Variants in TEAD1 observed in about 807,000 individuals in gnomAD.
TEAD1 encodes transcriptional enhancer factor TEF-1.
In TEAD1, 9 loss-of-function variants were observed where a neutral mutation model predicts 54.9. The ratio of observed to expected loss-of-function variants is 0.16; its 90% CI spans 0.10 to 0.29. The LOEUF (loss-of-function observed/expected upper bound fraction) is 0.29. TEAD1 is among the 10% of genes least tolerant of loss of function. The pLI, the probability that TEAD1 is intolerant of heterozygous loss-of-function variation, is 1.00. For missense variants in TEAD1, 387 were observed against 535.9 expected, an observed-to-expected ratio of 0.72 and a Z score of 2.74; for synonymous variants, 200 against 187.8, an observed-to-expected ratio of 1.07 and a Z score of -0.53.
At chr11:12,895,669 A>G (rs1459415833) in intron 9 of TEAD1, among the ~76,000 whole-genome samples, 1 of 152,192 alleles carries the variant, frequency 6.6e-6, no homozygotes, top group Non-Finnish European at 1.5e-5. Flanking sequence ...TTATTTAATA[A>G]AATAATTGTA....
chr11:12,685,059 A>G (rs76721656), intron 2 of TEAD1, among the ~76,000 whole-genome samples: 3,107 of 152,212 alleles, frequency 0.02, 58 homozygotes, highest in East Asian at 0.061. Flanking sequence ...GGGTGTGTCA[A>G]TGTCCCTGTG....
chr11:12,816,549 A>T (rs572065109), intron 3 of TEAD1, among the ~76,000 whole-genome samples: 2 of 152,284 alleles, frequency 1.3e-5, no homozygotes, highest in African/African-American at 4.8e-5. Flanking sequence ...GCATTTCCAC[A>T]TTGGAGCTGT....
At chr11:12,933,052 C>T (rs1173624592) in intron 12 of TEAD1, among the ~76,000 whole-genome samples, 2 of 152,170 alleles carry the variant, frequency 1.3e-5, no homozygotes, top group Non-Finnish European at 2.9e-5. Context: ...GTGTAGTAGG[C>T]TGTACCGTCT....
intron 9 of TEAD1, among the ~76,000 whole-genome samples, chr11:12,892,549 C>T (rs995234201): frequency 2.6e-5 from 4 of 152,140 alleles, no homozygotes; most frequent in African/African-American, 7.2e-5. Flanking sequence ...GAGGCTGAGG[C>T]AGGAGATTTG....
chr11:12,885,459 G>C (rs576673967), intron 9 of TEAD1, among the ~76,000 whole-genome samples: 1 of 152,062 alleles, frequency 6.6e-6, no homozygotes. Context: ...GGGTGGTCTC[G>C]ATCTCCTGAC....
chr11:12,679,384 G>A (rs544691177), intron 2 of TEAD1, among the ~76,000 whole-genome samples: 2 of 152,282 alleles, frequency 1.3e-5, no homozygotes, highest in African/African-American at 4.8e-5. Flanking sequence ...GGGCTTAAAA[G>A]AAAAAGCTGG....
At chr11:12,847,001 C>G (rs142431399) in intron 3 of TEAD1, among the ~76,000 whole-genome samples, 5 of 152,268 alleles carry the variant, frequency 3.3e-5, no homozygotes, top group African/African-American at 1.2e-4. Context: ...AAGCATCCAA[C>G]ACGACTGTGA....
At chr11:12,845,775 A>T in intron 3 of TEAD1, among the ~76,000 whole-genome samples, 1 of 152,144 alleles carries the variant, frequency 6.6e-6, no homozygotes, top group East Asian at 1.9e-4. Flanking sequence ...GAGCTTGTGG[A>T]GTAGGTTGGT....
intron 3 of TEAD1, among the ~76,000 whole-genome samples, chr11:12,809,671 C>A (rs1342661145): frequency 1.3e-5 from 2 of 152,172 alleles, no homozygotes; most frequent in African/African-American, 4.8e-5. Context: ...GACAGTGCTG[C>A]CCCTCAAGTC....
rs1943625175 is a variant in TEAD1 at position 12,698,122 on chromosome 11, A to G, written c.-55+22561A>G. Among the ~76,000 whole-genome samples the G allele has an allele frequency of 3.3e-5, 5 of 152,114 alleles. No homozygotes were observed. In the South Asian group the frequency reaches 8.3e-4, roughly 25 times the overall value. On this transcript the variant is annotated intron_variant, in intron 2 of 12. Transcript: ENST00000527636. Reference sequence around the variant, plus strand: ...CATCACAGATCTAATAAAAAATAACATGTTCATATGATGCTTTAGAGTTGA... The same window carrying G: ...CATCACAGATCTAATAAAAAATAACGTGTTCATATGATGCTTTAGAGTTGA...
chr11:12,783,138 G>GCGCA (rs2133951126), intron 3 of TEAD1, among the ~76,000 whole-genome samples: 2 of 149,188 alleles, frequency 1.3e-5, no homozygotes, highest in East Asian at 4.0e-4. Flanking sequence ...GTGTGTGCGC[G>GCGCA]CACTTTCTTT....
At chr11:12,794,207 C>T (rs1478355933) in intron 3 of TEAD1, among the ~76,000 whole-genome samples, 3 of 152,262 alleles carry the variant, frequency 2.0e-5, no homozygotes, top group Middle Eastern at 3.4e-3. Flanking sequence ...AGATTTTATG[C>T]GGTCCATTTG....
chr11:12,729,632 AT>A (rs1944380763), intron 2 of TEAD1, among the ~76,000 whole-genome samples: 1 of 152,218 alleles, frequency 6.6e-6, no homozygotes, highest in Non-Finnish European at 1.5e-5. Context: ...GGTATGATAA[AT>A]GGTCAGGAGA....
At chr11:12,707,466 CT>C (rs939931725) in intron 2 of TEAD1, among the ~76,000 whole-genome samples, 2 of 152,246 alleles carry the variant, frequency 1.3e-5, no homozygotes, top group Admixed American at 1.3e-4. Flanking sequence ...AACTACCTCA[CT>C]CTCAGGCCAC....
At chr11:12,871,985 G>A (rs1304115659) in intron 5 of TEAD1, among the ~76,000 whole-genome samples, 1 of 152,108 alleles carries the variant, frequency 6.6e-6, no homozygotes, top group East Asian at 1.9e-4. Context: ...TGAGCTACAT[G>A]TGCTCCCCCG....
chr11:12,919,829 A>G (rs1343922801), intron 10 of TEAD1, among the ~76,000 whole-genome samples: 1 of 152,128 alleles, frequency 6.6e-6, no homozygotes, highest in Non-Finnish European at 1.5e-5. Context: ...ACATATGTTG[A>G]ATTTTTATTT....
intron 2 of TEAD1, among the ~76,000 whole-genome samples, chr11:12,759,097 G>A (rs979110276): frequency 6.6e-6 from 1 of 152,030 alleles, no homozygotes; most frequent in Admixed American, 6.5e-5. Context: ...TAATTATGAG[G>A]ATTAGTTAAA....
Position 12,937,599 on chromosome 11 carries a change from A to G in TEAD1, c.*377A>G. On this transcript the variant is annotated 3_prime_UTR_variant, in exon 13 of 13. Coordinates refer to ENST00000527636, the MANE Select transcript of TEAD1 (RefSeq NM_021961.6). Reference sequence around the variant, plus strand: ...ACAGAGCATTTGCCATGGGACATTTACAGCCTTTATACAAATGTATTTAGT... The same window carrying G: ...ACAGAGCATTTGCCATGGGACATTTGCAGCCTTTATACAAATGTATTTAGT... The G allele has an allele frequency of 6.0e-6, 1 of 166,948 alleles. No individual in the cohort carries two copies. The highest frequency in any genetic ancestry group is 1.3e-5 in the Non-Finnish European group (1 of 75,508). 10.3% of individuals were successfully genotyped at this position (166,948 alleles called of 1,614,324 possible). A position where few individuals can be genotyped will look rare whatever the true frequency, so the allele number is the denominator to read the frequency against.
intron 10 of TEAD1, among the ~76,000 whole-genome samples, chr11:12,918,398 C>T (rs1948751416): frequency 6.6e-6 from 1 of 151,430 alleles, no homozygotes. Flanking sequence ...CTAGAAAATT[C>T]CTGAAGAGCA....
Sources: gnomAD v4.1 joint callset for allele counts (sites outside exome capture counted in the v4.1 genomes callset) on GRCh38, gnomAD v4.1.1 for gene constraint, MANE v1.5 for transcripts, NCBI Gene and HGNC (gene_info 2026-07-23, HGNC 2026-07-21) for gene names.